The following KCNJ6 variants were observed in gnomAD, a reference collection of about 807,000 sequenced individuals.
KCNJ6 encodes G protein-activated inward rectifier potassium channel 2.
Under a neutral mutation model 34.2 loss-of-function variants are expected in KCNJ6, and 9 were observed. The ratio of observed to expected loss-of-function variants is 0.26; its 90% confidence interval spans 0.16 to 0.46. The LOEUF is 0.46. Ranked by LOEUF, KCNJ6 falls within the 20% of genes least tolerant of loss-of-function variation. The pLI is 1.00. For synonymous variants in KCNJ6, 196 were observed against 207.1 expected (o/e 0.95, Z 0.46); for missense variants, 236 against 531.3 (o/e 0.44, Z 5.46).
At chr21:37,649,097 C>T (rs913260003) in intron 3 of KCNJ6, among the ~76,000 whole-genome samples, 1 of 136,780 alleles carries the variant, frequency 7.3e-6, no homozygotes, top group Non-Finnish European at 1.5e-5. Context: ...TGTGCCATTG[C>T]ACTCCAGCCT....
chr21:37,632,448 A>G (rs2054338235), intron 3 of KCNJ6, among the ~76,000 whole-genome samples: 1 of 152,114 alleles, frequency 6.6e-6, no homozygotes, highest in African/African-American at 2.4e-5. Flanking sequence ...TGTTTAGAAT[A>G]TTCAACTGAA....
At position 37,675,095 on chromosome 21, in the gene KCNJ6, C is replaced by A. The variant is rs1264230872; in HGVS notation, c.946+39116G>T. Among the ~76,000 whole-genome samples, 1 of 152,162 alleles carries A rather than the reference C, an allele frequency of 6.6e-6. No homozygotes were observed. The highest frequency in any genetic ancestry group is 2.4e-5 in the African/African-American group (1 of 41,448). On this transcript the variant is annotated intron_variant, in intron 3 of 3. Transcript: ENST00000609713. The surrounding 1 kb of genome is among the most constrained non-coding windows in gnomAD (Gnocchi z 4.2). ...GGTTTGACTCAATCGACACCCTTCG[C>A]ACCACTTTCTAAGTGTCTCCTTTGG...
intron 1 of KCNJ6, among the ~76,000 whole-genome samples, chr21:37,849,604 C>A (rs2055527582): frequency 6.6e-6 from 1 of 152,218 alleles, no homozygotes; most frequent in Non-Finnish European, 1.5e-5. Context: ...GCCATGGTCT[C>A]CACCTACCTC....
chr21:37,824,627 G>T (rs2055390050), intron 2 of KCNJ6, among the ~76,000 whole-genome samples: 1 of 152,120 alleles, frequency 6.6e-6, no homozygotes, highest in Non-Finnish European at 1.5e-5. Context: ...AGCTGTTCTT[G>T]TGATAGTGAG....
chr21:37,673,837 A>G (rs565835681), intron 3 of KCNJ6, among the ~76,000 whole-genome samples: 4 of 152,264 alleles, frequency 2.6e-5, no homozygotes, highest in African/African-American at 9.6e-5. Flanking sequence ...AAGAAGGGGA[A>G]GGGGCTCTCA....
At chr21:37,849,600 G>T (rs1263981631) in intron 1 of KCNJ6, among the ~76,000 whole-genome samples, 1 of 151,940 alleles carries the variant, frequency 6.6e-6, no homozygotes, top group Non-Finnish European at 1.5e-5. Flanking sequence ...TCCAGCCATG[G>T]TCTCCACCTA....
intron 2 of KCNJ6, among the ~76,000 whole-genome samples, chr21:37,717,576 C>G (rs2054800032): frequency 6.6e-6 from 1 of 152,262 alleles, no homozygotes; most frequent in Admixed American, 6.5e-5. Context: ...CAACTCTGAG[C>G]TCTCACTGCT....
At chr21:37,687,848 C>T (rs2054622468) in intron 3 of KCNJ6, among the ~76,000 whole-genome samples, 1 of 152,180 alleles carries the variant, frequency 6.6e-6, no homozygotes, top group Admixed American at 6.5e-5. Flanking sequence ...GCATTTCTCC[C>T]CTCAGTTTGG....
intron 3 of KCNJ6, among the ~76,000 whole-genome samples, chr21:37,674,888 AAATGAATGAATGAAT>A (rs1389531477): frequency 2.0e-5 from 3 of 152,204 alleles, no homozygotes; most frequent in Non-Finnish European, 2.9e-5. Context: ...ACGAATGAAT[AAATGAATGAATGAAT>A]AATGAATGAA....
chr21:37,689,577 C>T (rs1227805992), intron 3 of KCNJ6, among the ~76,000 whole-genome samples: 1 of 152,070 alleles, frequency 6.6e-6, no homozygotes, highest in East Asian at 1.9e-4. Flanking sequence ...TTAATACATA[C>T]TAGGCACTCA....
At chr21:37,746,378 C>T (rs1048192153) in intron 2 of KCNJ6, among the ~76,000 whole-genome samples, 1 of 152,180 alleles carries the variant, frequency 6.6e-6, no homozygotes, top group African/African-American at 2.4e-5. Flanking sequence ...AGCCCACTTC[C>T]TTCATTCTTC....
intron 2 of KCNJ6, among the ~76,000 whole-genome samples, chr21:37,825,108 T>C (rs8134959): frequency 0.57 from 86,695 of 151,936 alleles, 25,315 homozygotes; most frequent in South Asian, 0.74. Context: ...CTGGATGATG[T>C]GGGGTATTCT....
intron 1 of KCNJ6, among the ~76,000 whole-genome samples, chr21:37,896,556 C>T (rs967194181): frequency 3.9e-5 from 6 of 152,104 alleles, no homozygotes; most frequent in East Asian, 3.9e-4. Context: ...TCTTGTGGGC[C>T]GTGAAGGTGC....
chr21:37,769,955 A>C (rs774722831), intron 2 of KCNJ6, among the ~76,000 whole-genome samples: 4 of 152,182 alleles, frequency 2.6e-5, no homozygotes, highest in Non-Finnish European at 4.4e-5. Context: ...AATTGAACCT[A>C]CTGGTGCCTT....
chr21:37,817,854 C>A (rs913978392), intron 2 of KCNJ6, among the ~76,000 whole-genome samples: 5 of 152,204 alleles, frequency 3.3e-5, no homozygotes, highest in African/African-American at 9.7e-5. Flanking sequence ...ACAGGTACAA[C>A]AGAGTGGGTA....
At chr21:37,760,493 C>T (rs1249482221) in intron 2 of KCNJ6, among the ~76,000 whole-genome samples, 3 of 152,128 alleles carry the variant, frequency 2.0e-5, no homozygotes, top group African/African-American at 4.8e-5. Flanking sequence ...AGGTGGTGGG[C>T]AGGCACAGGA....
At chr21:37,724,158 T>A (rs931496241) in intron 2 of KCNJ6, among the ~76,000 whole-genome samples, 2 of 152,032 alleles carry the variant, frequency 1.3e-5, no homozygotes, top group East Asian at 3.8e-4. Context: ...GGGAGTGATA[T>A]GATTGAGTAT....
chr21:37,778,696 C>CGCGTGTGTGTGTGTGT (rs1555843344), intron 2 of KCNJ6, among the ~76,000 whole-genome samples: 2 of 146,170 alleles, frequency 1.4e-5, no homozygotes, highest in Non-Finnish European at 3.0e-5. Context: ...GTGCTGTGTG[C>CGCGTGTGTGTGTGTGT]GTGTGTGTGT....
chr21:37,753,440 G>A (rs857990), intron 2 of KCNJ6, among the ~76,000 whole-genome samples: 260 of 152,308 alleles, frequency 1.7e-3, no homozygotes, highest in Non-Finnish European at 2.9e-3. Context: ...ATTGCAAAGG[G>A]CAGCAGAGTG....
Sources: gnomAD v4.1 joint callset for allele counts (sites outside exome capture counted in the v4.1 genomes callset) on GRCh38, gnomAD v4.1.1 for gene constraint, Gnocchi (gnomAD v3.1) non-coding constraint, MANE v1.5 for transcripts, NCBI Gene and HGNC (gene_info 2026-07-23, HGNC 2026-07-21) for gene names.